The following FIP1L1 variants were observed in gnomAD, a reference collection of about 807,000 sequenced individuals.
FIP1L1 encodes the protein pre-mRNA 3'-end-processing factor FIP1.
A neutral mutation model predicts 84.6 loss-of-function variants in FIP1L1; 21 were observed. The ratio of observed to expected loss-of-function variants is 0.25; its 90% CI spans 0.18 to 0.36. The LOEUF is 0.36. FIP1L1 is among the 10% of genes least tolerant of loss of function. FIP1L1 has a pLI of 1.00. For synonymous variants in FIP1L1, 263 were observed against 242.3 expected, an observed-to-expected ratio of 1.09 and a Z score of -0.80; for missense variants, 526 against 751.1, an observed-to-expected ratio of 0.70 and a Z score of 3.50.
intron 16 of FIP1L1, 70 bp downstream of exon 16, chr4:53,453,203 GA>G: frequency 6.4e-7 from 1 of 1,567,872 alleles, no homozygotes; most frequent in Non-Finnish European, 8.7e-7. Flanking sequence ...TCGTTATGAG[GA>G]AGTGAATTTC....
chr4:53,402,333 G>T (rs1322553178), intron 10 of FIP1L1, among the ~76,000 whole-genome samples: 1 of 146,822 alleles, frequency 6.8e-6, no homozygotes, highest in African/African-American at 2.7e-5. Context: ...TTCTTTCTGT[G>T]GGGGCCAGAG....
chr4:53,449,352 A>C (rs1775482952), intron 15 of FIP1L1, among the ~76,000 whole-genome samples: 1 of 152,086 alleles, frequency 6.6e-6, no homozygotes, highest in Admixed American at 6.6e-5. Flanking sequence ...GGGTTGTATC[A>C]AATGCTTTCT....
chr4:53,418,878 TCTGA>T (rs1387335662), intron 11 of FIP1L1, among the ~76,000 whole-genome samples: 13 of 152,336 alleles, frequency 8.5e-5, no homozygotes, highest in Middle Eastern at 3.4e-3. Context: ...GACCTCTTCC[TCTGA>T]CTATCTCCTT....
chr4:53,388,026 A>G (rs1291781416), intron 5 of FIP1L1, among the ~76,000 whole-genome samples: 1 of 152,242 alleles, frequency 6.6e-6, no homozygotes, highest in Non-Finnish European at 1.5e-5. Context: ...TGACAGTAGT[A>G]ATATTTGGTC....
chr4:53,404,401 C>T (rs1397080286), intron 10 of FIP1L1, among the ~76,000 whole-genome samples: 1 of 151,912 alleles, frequency 6.6e-6, no homozygotes, highest in African/African-American at 2.4e-5. Context: ...TTTCTTAATC[C>T]AGTCTGTCAT....
chr4:53,387,325 G>A (rs1741632380), intron 5 of FIP1L1, among the ~76,000 whole-genome samples: 1 of 152,144 alleles, frequency 6.6e-6, no homozygotes, highest in Non-Finnish European at 1.5e-5. Flanking sequence ...AATAACATGG[G>A]TAACTGGTTG....
intron 10 of FIP1L1, among the ~76,000 whole-genome samples, chr4:53,411,794 G>T (rs1757353552): frequency 6.6e-6 from 1 of 151,968 alleles, no homozygotes; most frequent in Non-Finnish European, 1.5e-5. Context: ...CATCAAATTG[G>T]CACTGTTAAG....
At chr4:53,411,503 T>C (rs1050262313) in intron 10 of FIP1L1, among the ~76,000 whole-genome samples, 2 of 152,158 alleles carry the variant, frequency 1.3e-5, no homozygotes, top group African/African-American at 2.4e-5. Flanking sequence ...TTATTCGTTA[T>C]ATTTATGGAG....
chr4:53,438,169 C>A (rs1017954656), intron 13 of FIP1L1, among the ~76,000 whole-genome samples: 2 of 152,074 alleles, frequency 1.3e-5, no homozygotes, highest in African/African-American at 2.4e-5. Flanking sequence ...TTTTTAAACT[C>A]ATTTTTCAGA....
chr4:53,406,275 T>A (rs1283587245), intron 10 of FIP1L1, among the ~76,000 whole-genome samples: 4 of 152,194 alleles, frequency 2.6e-5, no homozygotes, highest in African/African-American at 9.7e-5. Flanking sequence ...TAATCGTGGT[T>A]TTTGTCTTTG....
At chr4:53,395,005 C>T (rs1746470263) in intron 9 of FIP1L1, among the ~76,000 whole-genome samples, 2 of 152,030 alleles carry the variant, frequency 1.3e-5, no homozygotes, top group South Asian at 4.1e-4. Flanking sequence ...TTTAGCTTCT[C>T]AAGGTTGTAG....
At chr4:53,438,507 C>T (rs1470581219) in intron 13 of FIP1L1, among the ~76,000 whole-genome samples, 1 of 152,128 alleles carries the variant, frequency 6.6e-6, no homozygotes, top group Non-Finnish European at 1.5e-5. Context: ...TAAAGATTTG[C>T]ATTGAAATAA....
intron 13 of FIP1L1, among the ~76,000 whole-genome samples, chr4:53,434,851 C>A (rs999726111): frequency 5.9e-5 from 9 of 152,260 alleles, no homozygotes; most frequent in Non-Finnish European, 1.2e-4. Context: ...CTGGACAGAA[C>A]GTTGAGAACA....
At chr4:53,451,174 T>C (rs1317594994) in intron 15 of FIP1L1, among the ~76,000 whole-genome samples, 1 of 152,024 alleles carries the variant, frequency 6.6e-6, no homozygotes, top group East Asian at 1.9e-4. Flanking sequence ...TTTCACTATG[T>C]TGGCCAGACT....
At chr4:53,382,360 T>C in intron 4 of FIP1L1, 25 bp downstream of exon 4, 1 of 1,586,068 alleles carries the variant, frequency 6.3e-7, no homozygotes, top group Non-Finnish European at 8.7e-7. Context: ...TGAAATCCAG[T>C]TACTGATACA....
In FIP1L1 at chr4:53,379,106, C is replaced by T; in HGVS notation, c.119C>T (p.Ala40Val). 2 of 1,614,102 alleles carry T rather than the reference C, an allele frequency of 1.2e-6. No individual in the cohort carries two copies. The highest frequency in any genetic ancestry group is 2.2e-5 in the East Asian group (1 of 44,864). Reference protein sequence around the residue: ...PWDVHVHSDLAKDLDENEVER... With the variant: ...PWDVHVHSDLVKDLDENEVER... ...GACGTGCATGTGCACAGTGATTTGG[C>T]AAAGGACCTAGGTTAGTGCTTGTGA... is the stretch of plus-strand genomic sequence containing the variant. Residue 40 changes from alanine (A) to valine (V), a missense_variant, in exon 2 of 18, where the codon GCA becomes GTA. Physicochemically the swap from Ala to Val is moderately conservative, Grantham distance 64. This residue lies in a region of FIP1L1 where 100 missense variants were observed against 107.2 expected (regional missense o/e 0.93). Transcript: ENST00000337488.
At chr4:53,407,026 C>A (rs1247642644) in intron 10 of FIP1L1, among the ~76,000 whole-genome samples, 2 of 152,102 alleles carry the variant, frequency 1.3e-5, no homozygotes, top group Non-Finnish European at 2.9e-5. Flanking sequence ...CTGCTCTGAT[C>A]TTAGTTATTT....
At chr4:53,387,067 T>C (rs531922135) in intron 5 of FIP1L1, among the ~76,000 whole-genome samples, 7 of 152,322 alleles carry the variant, frequency 4.6e-5, no homozygotes, top group African/African-American at 1.7e-4. Context: ...AGAGAGACAT[T>C]GACTAATAGA....
intron 10 of FIP1L1, among the ~76,000 whole-genome samples, chr4:53,406,505 A>T (rs1355992542): frequency 6.6e-6 from 1 of 152,220 alleles, no homozygotes; most frequent in Non-Finnish European, 1.5e-5. Context: ...CTTTGGTATC[A>T]GGATGATGCT....
Sources: allele counts gnomAD v4.1 joint callset (sites outside exome capture counted in the v4.1 genomes callset), GRCh38; gene constraint gnomAD v4.1.1; regional missense constraint gnomAD v4.1.1; transcripts MANE v1.5; gene names NCBI Gene and HGNC (gene_info 2026-07-23, HGNC 2026-07-21).